The following MFHAS1 variants were observed in gnomAD, a reference collection of about 807,000 sequenced individuals.
MFHAS1 encodes the protein multifunctional ROCO family signaling regulator 1, also known as malignant fibrous histiocytoma-amplified sequence 1.
MFHAS1 carries 50 observed loss-of-function variants against 70.4 expected under a neutral mutation model. The observed-to-expected ratio is 0.71, with a 90% CI of 0.57 to 0.90. The LOEUF (loss-of-function observed/expected upper bound fraction) is 0.90. Among genes scored for constraint, MFHAS1 ranks in the 40% least tolerant of loss-of-function variants. The probability of loss-of-function intolerance (pLI) is 0.00; values close to 1 mark genes in which losing one functional copy is unlikely to be tolerated. For missense variants in MFHAS1, 1,795 were observed against 1,347.6 expected (o/e 1.33, Z -5.20); for synonymous variants, 952 against 620.0 (o/e 1.54, Z -7.96).
intron 1 of MFHAS1, among the ~76,000 whole-genome samples, chr8:8,863,260 A>C (rs1373043834): frequency 6.6e-6 from 1 of 152,224 alleles, no homozygotes; most frequent in East Asian, 1.9e-4. Context: ...CAGGCAGTGT[A>C]ACTTAGAATA....
chr8:8,840,926 C>G (rs1225321639), intron 1 of MFHAS1, among the ~76,000 whole-genome samples: 5 of 152,142 alleles, frequency 3.3e-5, no homozygotes, highest in African/African-American at 1.2e-4. Flanking sequence ...ACTTCTTACA[C>G]AAGAGCATAT....
chr8:8,872,027 G>T (rs867421062), intron 1 of MFHAS1, among the ~76,000 whole-genome samples: 1 of 149,906 alleles, frequency 6.7e-6, no homozygotes, highest in Non-Finnish European at 1.5e-5. Context: ...GGAGAAGGAA[G>T]GAAGAGGAGG....
chr8:8,847,085 A>C (rs763925755), intron 1 of MFHAS1, among the ~76,000 whole-genome samples: 2 of 152,250 alleles, frequency 1.3e-5, no homozygotes, highest in South Asian at 2.1e-4. Flanking sequence ...TTTCAGAGGA[A>C]TCACCAAAAT....
intron 1 of MFHAS1, among the ~76,000 whole-genome samples, chr8:8,846,087 T>C (rs1225964151): frequency 1.3e-5 from 2 of 151,750 alleles, no homozygotes; most frequent in African/African-American, 4.8e-5. Flanking sequence ...ACCCTGTCTC[T>C]ACTAAAAACA....
rs1410957607 is a variant in MFHAS1 at position 8,838,301 on chromosome 8, G to T, written c.2999-40810C>A. Among the ~76,000 whole-genome samples the T allele has an allele frequency of 2.6e-5, 4 of 152,154 alleles. No individual in the cohort carries two copies. In the East Asian group the frequency reaches 7.7e-4, roughly 29 times the overall value. ...GGCAGAAAGCAACCCCAGGATTGAGGGGAAGGGTCTATATTCTTGATTGTG... is the reference window on the plus strand; with the variant it reads ...GGCAGAAAGCAACCCCAGGATTGAGTGGAAGGGTCTATATTCTTGATTGTG... On this transcript the variant is annotated intron_variant, in intron 1 of 2. Transcript: ENST00000276282.
chr8:8,839,520 A>C (rs1023756133), intron 1 of MFHAS1, among the ~76,000 whole-genome samples: 8 of 152,182 alleles, frequency 5.3e-5, no homozygotes, highest in Admixed American at 5.2e-4. Flanking sequence ...CCAATTATGA[A>C]ATTAGTGACT....
At chr8:8,786,076 A>C (rs2117237477) in intron 2 of MFHAS1, 21 bp from the exon 3 acceptor site, 2 of 1,612,670 alleles carry the variant, frequency 1.2e-6, no homozygotes, top group Middle Eastern at 3.3e-4. Context: ...GGACAACAAG[A>C]AAGCACAGAG....
At chr8:8,874,063 T>A (rs1321046392) in intron 1 of MFHAS1, among the ~76,000 whole-genome samples, 1 of 152,216 alleles carries the variant, frequency 6.6e-6, no homozygotes, top group African/African-American at 2.4e-5. Context: ...GAAGCCTTCA[T>A]AACCCTCGAG....
intron 1 of MFHAS1, among the ~76,000 whole-genome samples, chr8:8,839,184 T>TA (rs892495155): frequency 1.3e-4 from 20 of 148,604 alleles, no homozygotes; most frequent in East Asian, 5.9e-4. Context: ...AAGAGAGAAT[T>TA]AAAAAAAAAA....
chr8:8,860,756 C>T (rs1358793912), intron 1 of MFHAS1, among the ~76,000 whole-genome samples: 1 of 152,234 alleles, frequency 6.6e-6, no homozygotes, highest in East Asian at 1.9e-4. Context: ...TCATGCCAAA[C>T]TACAAGACCT....
chr8:8,854,966 G>A (rs567266192), intron 1 of MFHAS1, among the ~76,000 whole-genome samples: 15 of 152,194 alleles, frequency 9.9e-5, no homozygotes, highest in Non-Finnish European at 1.8e-4. Flanking sequence ...CTGGAGTGCA[G>A]TGATACTATC....
chr8:8,868,274 T>C (rs1319980794), intron 1 of MFHAS1, among the ~76,000 whole-genome samples: 1 of 151,784 alleles, frequency 6.6e-6, no homozygotes, highest in Non-Finnish European at 1.5e-5. Flanking sequence ...TGTTATCTCA[T>C]TTCTCTACAC....
chr8:8,830,370 C>T (rs148028095), intron 1 of MFHAS1, among the ~76,000 whole-genome samples: 65 of 152,312 alleles, frequency 4.3e-4, no homozygotes, highest in African/African-American at 1.5e-3. Context: ...TTTCATCAAA[C>T]GATTTGGCTT....
intron 1 of MFHAS1, among the ~76,000 whole-genome samples, chr8:8,826,471 G>A (rs1004763621): frequency 1.3e-5 from 2 of 152,122 alleles, no homozygotes; most frequent in Non-Finnish European, 2.9e-5. Context: ...GGTGGCTCAC[G>A]CCTGTAATCC....
At chr8:8,868,609 T>G (rs555831004) in intron 1 of MFHAS1, among the ~76,000 whole-genome samples, 9 of 151,964 alleles carry the variant, frequency 5.9e-5, no homozygotes, top group Non-Finnish European at 1.0e-4. Context: ...ATGAGCATCT[T>G]ATGGAAGATG....
chr8:8,843,581 A>T (rs2116858212), intron 1 of MFHAS1, among the ~76,000 whole-genome samples: 1 of 152,330 alleles, frequency 6.6e-6, no homozygotes, highest in Admixed American at 6.5e-5. Flanking sequence ...ACTCCGTTTC[A>T]AAAATAAATA....
chr8:8,797,300 G>A, intron 2 of MFHAS1, 65 bp downstream of exon 2: 5 of 1,577,568 alleles, frequency 3.2e-6, no homozygotes, highest in Non-Finnish European at 4.3e-6. Flanking sequence ...GGATTTTTGT[G>A]GTCATATCTA....
Position 8,892,950 on chromosome 8 carries a change from C to T in MFHAS1, c.109G>A (p.Ala37Thr), listed in dbSNP as rs767308137. The part of the protein sequence containing the change: ...SNLRQLTLTA[A>T]GACPGAGADA... ...GCCCCGGCCCCGGGGCAGGCCCCGGCGGCGGTAAGCGTGAGCTGGCGCAGG... is the reference window on the plus strand; with the variant it reads ...GCCCCGGCCCCGGGGCAGGCCCCGGTGGCGGTAAGCGTGAGCTGGCGCAGG... Residue 37 changes from alanine to threonine, a missense_variant, in exon 1 of 3, where the codon GCC becomes ACC. Physicochemically the swap from Ala to Thr is moderately conservative, Grantham distance 58. Coordinates refer to ENST00000276282, the MANE Select transcript of MFHAS1 (RefSeq NM_004225.3). This position sits in a 1 kb window ranked among gnomAD's most constrained non-coding sequence, Gnocchi z 4.7. The T allele has an allele frequency of 4.3e-5, 67 of 1,543,118 alleles. No homozygotes were observed. The highest frequency in any genetic ancestry group is 5.6e-5 in the Non-Finnish European group (64 of 1,147,322).
intron 1 of MFHAS1, among the ~76,000 whole-genome samples, chr8:8,867,097 G>A (rs182975535): frequency 4.5e-4 from 69 of 152,274 alleles, no homozygotes; most frequent in Non-Finnish European, 7.4e-4. Context: ...CAAAATTTCT[G>A]ATACTGCTAA....
Sources: gnomAD v4.1 joint callset for allele counts (sites outside exome capture counted in the v4.1 genomes callset) on GRCh38, gnomAD v4.1.1 for gene constraint, Gnocchi (gnomAD v3.1) non-coding constraint, MANE v1.5 for transcripts, NCBI Gene and HGNC (gene_info 2026-07-23, HGNC 2026-07-21) for gene names.